Variants in KCNA2 observed in about 807,000 individuals in gnomAD.
The protein encoded by KCNA2 is potassium voltage-gated channel subfamily A member 2.
A neutral mutation model predicts 33.4 loss-of-function variants in KCNA2; 11 were observed. The ratio of observed to expected loss-of-function variants is 0.33; its 90% CI spans 0.21 to 0.55. The LOEUF (loss-of-function observed/expected upper bound fraction) is 0.55. Ranked by LOEUF, KCNA2 falls within the 20% of genes least tolerant of loss-of-function variation. The pLI is 0.93. For synonymous variants in KCNA2, 222 were observed against 231.3 expected (o/e 0.96, Z 0.37); for missense variants, 291 against 621.6 (o/e 0.47, Z 5.66).
chr1:110,620,630 G>A (rs562291120), intron 1 of KCNA2, among the ~76,000 whole-genome samples: 1 of 152,214 alleles, frequency 6.6e-6, no homozygotes, highest in East Asian at 1.9e-4. Context: ...ACCAACAGAT[G>A]GTCTGAGGTG....
upstream of KCNA2, among the ~76,000 whole-genome samples, chr1:110,611,018 GAGGAAGGA>G (rs59353690): frequency 5.1e-3 from 730 of 144,244 alleles, 3 homozygotes; most frequent in African/African-American, 0.012. Context: ...AAGACAGAAT[GAGGAAGGA>G]AGGAAGGAAG....
At position 110,594,321 on chromosome 1, in the gene KCNA2, ATGTGTG is replaced by A; in HGVS notation, c.*8956_*8961del. ...TATATATATATACATATATATATAT[ATGTGTG>A]TGTATATATATATACACACACATCA... is the stretch of plus-strand genomic sequence containing the variant. On this transcript the variant is annotated 3_prime_UTR_variant, in exon 3 of 3. Coordinates refer to ENST00000316361, the MANE Select transcript of KCNA2 (RefSeq NM_004974.4). 1.1e-6 allele frequency: 1 copy of A among 877,584 alleles called. No homozygotes were observed. Among genetic ancestry groups the A allele is most frequent in the Non-Finnish European group, 1.4e-6 (1 of 736,142 alleles). 54.4% of individuals were successfully genotyped at this position (877,584 alleles called of 1,614,324 possible).
rs749867536 is a variant in KCNA2 at position 110,597,981 on chromosome 1, C to T, written c.*5302G>A. The T allele has an allele frequency of 2.0e-6, 2 of 985,320 alleles. No individual in the cohort carries two copies. The highest frequency in any genetic ancestry group is 2.4e-6 in the Non-Finnish European group (2 of 829,902). 61.0% of individuals were successfully genotyped at this position (985,320 alleles called of 1,614,324 possible). ...CCTGCTGGTTGCTTTGATAGGGGAA[C>T]AGGGTTGGACTCAACAAGGGCTAAG... On this transcript the variant is annotated 3_prime_UTR_variant, in exon 3 of 3. Coordinates refer to ENST00000316361, the MANE Select transcript of KCNA2 (RefSeq NM_004974.4).
In KCNA2 at chr1:110,620,053, CGAGAGAGAGAGAGA is replaced by C. The variant is rs3050013; in HGVS notation, c.-496+11328_-496+11341del. ...CTTAATGAGAGAGAGAGAGCGAGAG[CGAGAGAGAGAGAGA>C]GAGAGAGAGAGAGAGAGAGAGTGAG... On this transcript the variant is annotated intron_variant, in intron 1 of 4. Coordinates refer to the KCNA2 transcript ENST00000369770. 2.9e-3 allele frequency among the ~76,000 whole-genome samples: 365 copies of C among 126,840 alleles called. 3 individuals carry two copies. The highest frequency in any genetic ancestry group is 0.011 in the African/African-American group (354 of 31,266). 83.2% of individuals were successfully genotyped at this position (126,840 alleles called of 152,430 possible). A position where few individuals can be genotyped will look rare whatever the true frequency, so the allele number is the denominator to read the frequency against.
At chr1:110,606,807 C>A (rs980394588), upstream of KCNA2, 1 of 152,344 alleles carries the variant, frequency 6.6e-6, no homozygotes, top group South Asian at 2.1e-4. Context: ...CGGCGGCAGC[C>A]CACGGCCCCA....
chr1:110,615,989 A>G (rs1187251933), intron 1 of KCNA2, among the ~76,000 whole-genome samples: 1 of 152,220 alleles, frequency 6.6e-6, no homozygotes, highest in African/African-American at 2.4e-5. Context: ...TGGAAACCAG[A>G]TGGGAGGAGA....
At chr1:110,626,914 A>G (rs1650406341) in intron 1 of KCNA2, among the ~76,000 whole-genome samples, 1 of 152,162 alleles carries the variant, frequency 6.6e-6, no homozygotes, top group South Asian at 2.1e-4. Flanking sequence ...CTGCATCTCC[A>G]GTGAAGTCTT....
intron 1 of KCNA2, among the ~76,000 whole-genome samples, chr1:110,628,294 G>C (rs1459138980): frequency 6.6e-6 from 1 of 152,176 alleles, no homozygotes; most frequent in Non-Finnish European, 1.5e-5. Context: ...TTTATAAAAA[G>C]AGGGAGCAGT....
At chr1:110,622,304 A>AT (rs1650278294) in intron 1 of KCNA2, among the ~76,000 whole-genome samples, 1 of 152,168 alleles carries the variant, frequency 6.6e-6, no homozygotes, top group Non-Finnish European at 1.5e-5. Flanking sequence ...TTCACTTGTG[A>AT]TAACATCTTT....
At chr1:110,620,638 G>A (rs367861171) in intron 1 of KCNA2, among the ~76,000 whole-genome samples, 6 of 152,164 alleles carry the variant, frequency 3.9e-5, no homozygotes, top group East Asian at 3.9e-4. Context: ...ATGGTCTGAG[G>A]TGAGGATGCA....
intron 1 of KCNA2, among the ~76,000 whole-genome samples, chr1:110,631,007 G>A (rs183560558): frequency 1.3e-5 from 2 of 152,314 alleles, no homozygotes; most frequent in Admixed American, 6.5e-5. Flanking sequence ...CTCAAGCACA[G>A]GTCTGGCCTT....
intron 1 of KCNA2, among the ~76,000 whole-genome samples, chr1:110,620,085 A>T (rs1040582089): frequency 6.6e-4 from 93 of 141,050 alleles, no homozygotes; most frequent in East Asian, 6.4e-4. Context: ...AGAGAGAGAG[A>T]GAGTGAGTGA....
chr1:110,621,687 A>G (rs1650262896), intron 1 of KCNA2, among the ~76,000 whole-genome samples: 1 of 152,214 alleles, frequency 6.6e-6, no homozygotes, highest in Non-Finnish European at 1.5e-5. Flanking sequence ...CCTCAAAAGG[A>G]CAATGAGGGA....
intron 1 of KCNA2, among the ~76,000 whole-genome samples, chr1:110,626,459 A>C (rs949022218): frequency 6.6e-6 from 1 of 152,194 alleles, no homozygotes; most frequent in African/African-American, 2.4e-5. Context: ...ATACACAAGA[A>C]ATGAATCTCG....
intron 1 of KCNA2, among the ~76,000 whole-genome samples, chr1:110,621,109 G>A (rs1570766259): frequency 1.3e-5 from 2 of 152,224 alleles, no homozygotes; most frequent in Admixed American, 1.3e-4. Flanking sequence ...AATCTCTGGG[G>A]ATTCCTGGGT....
At position 110,599,898 on chromosome 1, in the gene KCNA2, A is replaced by G. The variant is rs766652318; in HGVS notation, c.*3385T>C. 8 of 985,270 alleles carry G rather than the reference A, an allele frequency of 8.1e-6. No individual in the cohort carries two copies. The South Asian group carries it at 1.9e-4, about 23-fold the overall frequency. 61.0% of individuals were successfully genotyped at this position (985,270 alleles called of 1,614,324 possible). Reference sequence around the variant, plus strand: ...GCTACCAGCTGTCCCAGGTACTTTCACACCCTGCACCCAGGTTTCTGGTGG... The same window carrying G: ...GCTACCAGCTGTCCCAGGTACTTTCGCACCCTGCACCCAGGTTTCTGGTGG... On this transcript the variant is annotated 3_prime_UTR_variant, in exon 3 of 3. Transcript: ENST00000316361.
Position 110,594,172 on chromosome 1 carries a change from G to C in KCNA2, c.*9111C>G. 1 of 1,278,150 alleles carries C rather than the reference G, an allele frequency of 7.8e-7. No homozygotes were observed. Among genetic ancestry groups the C allele is most frequent in the Non-Finnish European group, 9.9e-7 (1 of 1,011,556 alleles). The allele number at this position is 1,278,150 out of a possible 1,614,324, so 79.2% of individuals were successfully genotyped here. On this transcript the variant is annotated 3_prime_UTR_variant, in exon 3 of 3. Transcript: ENST00000316361. Reference sequence around the variant, plus strand: ...AGTTTTCAGCAATTATTAGAGACAGGACATGGGAGGGCAGCTGAAGATTCA... The same window carrying C: ...AGTTTTCAGCAATTATTAGAGACAGCACATGGGAGGGCAGCTGAAGATTCA...
Position 110,594,799 on chromosome 1 carries a change from A to G in KCNA2, c.*8484T>C, listed in dbSNP as rs1434436090. The G allele has an allele frequency of 4.1e-6, 4 of 985,432 alleles. No homozygotes were observed. Among genetic ancestry groups the G allele is most frequent in the East Asian group, 2.3e-4 (2 of 8,842 alleles). The allele number at this position is 985,432 out of a possible 1,614,324, so 61.0% of individuals were successfully genotyped here. A position where few individuals can be genotyped will look rare whatever the true frequency, so the allele number is the denominator to read the frequency against. ...GCCAGGCCTCTCTTCTTGCTTTTCT[A>G]TCCCATTTCTTAGCCTGGAGCTGAT... On this transcript the variant is annotated 3_prime_UTR_variant, in exon 3 of 3. Transcript: ENST00000316361.
In KCNA2 at chr1:110,603,239, C is replaced by T. The variant is rs1361238068; in HGVS notation, c.*44G>A. ...TACAATGCAGGCTATTATGCAACAT[C>T]TGCATTAGTTCCATTGAGCTGTGAG... On this transcript the variant is annotated 3_prime_UTR_variant, in exon 3 of 3. Coordinates refer to ENST00000316361, the MANE Select transcript of KCNA2 (RefSeq NM_004974.4). This position sits in a 1 kb window ranked among gnomAD's most constrained non-coding sequence, Gnocchi z 5.7. The T allele has an allele frequency of 6.4e-7, 1 of 1,555,692 alleles. No individual in the cohort carries two copies. Among genetic ancestry groups the T allele is most frequent in the East Asian group, 2.2e-5 (1 of 44,498 alleles).
Sources: allele counts gnomAD v4.1 joint callset (sites outside exome capture counted in the v4.1 genomes callset), GRCh38; gene constraint gnomAD v4.1.1; non-coding constraint Gnocchi (gnomAD v3.1); transcripts MANE v1.5; gene names NCBI Gene and HGNC (gene_info 2026-07-23, HGNC 2026-07-21).